The following EPSTI1 variants were observed in gnomAD, a reference collection of about 807,000 sequenced individuals.
EPSTI1 encodes the protein epithelial-stromal interaction protein 1.
In EPSTI1, 66 loss-of-function variants were observed where a neutral mutation model predicts 49.9. That is an observed-to-expected ratio of 1.32 (90% CI 1.08 to 1.62). The LOEUF (loss-of-function observed/expected upper bound fraction) is 1.62. Among genes scored for constraint, EPSTI1 ranks in the 40% most tolerant of loss-of-function variants. The probability of loss-of-function intolerance (pLI) is 0.00; values close to 1 mark genes in which losing one functional copy is unlikely to be tolerated. For missense variants in EPSTI1, 394 were observed against 365.5 expected (o/e 1.08, Z -0.64); for synonymous variants, 137 against 130.7 (o/e 1.05, Z -0.33).
At chr13:42,912,500 T>C (rs566092017) in intron 8 of EPSTI1, among the ~76,000 whole-genome samples, 45 of 152,258 alleles carry the variant, frequency 3.0e-4, no homozygotes, top group African/African-American at 1.0e-3. Context: ...ACATACCTCA[T>C]TCAGCAGCAT....
rs199887673 is a variant in EPSTI1, at chr13:42,919,291, T to A, written c.658-1667A>T. ...AGTTCAGTTACTTGCAATCCTAATG[T>A]TTGCTTACCCAGCTGTGATCCCTAG... is the stretch of plus-strand genomic sequence containing the variant. On this transcript the variant is annotated intron_variant, in intron 7 of 10. Coordinates refer to ENST00000313624, the MANE Select transcript of EPSTI1 (RefSeq NM_033255.5). The A allele has an allele frequency of 3.8e-4, 612 of 1,613,358 alleles. 3 individuals carry two copies. The highest frequency in any genetic ancestry group is 1.4e-4 in the Non-Finnish European group (161 of 1,179,578).
intron 1 of EPSTI1, among the ~76,000 whole-genome samples, chr13:42,990,808 C>T (rs1199292989): frequency 6.6e-6 from 1 of 152,160 alleles, no homozygotes; most frequent in Admixed American, 6.6e-5. Flanking sequence ...CAGGGTTTGT[C>T]TTTCAGAGAC....
chr13:42,949,628 T>C (rs1257469494), intron 6 of EPSTI1, among the ~76,000 whole-genome samples: 1 of 152,018 alleles, frequency 6.6e-6, no homozygotes, highest in African/African-American at 2.4e-5. Flanking sequence ...AGAGAGACTT[T>C]TCTTTTTTGG....
chr13:42,989,032 ATTTTTTTTTT>A (rs74772535), intron 1 of EPSTI1, among the ~76,000 whole-genome samples: 3 of 96,116 alleles, frequency 3.1e-5, no homozygotes, highest in Non-Finnish European at 5.6e-5. Context: ...GATAATTTAA[ATTTTTTTTTT>A]TTTTTTTTTT....
At position 42,917,557 on chromosome 13, in the gene EPSTI1, T is replaced by C. The variant is rs562190581; in HGVS notation, c.725A>G (p.Asp242Gly). 1.3e-6 allele frequency: 2 copies of C among 1,589,708 alleles called. No individual in the cohort carries two copies. Among genetic ancestry groups the C allele is most frequent in the South Asian group, 2.2e-5 (2 of 90,660 alleles). Residue 242 changes from aspartate to glycine, a missense_variant, in exon 8 of 11, where the codon GAT becomes GGT. Transcript: ENST00000313624. ...TGTAAGTACCTTTTGATGTTGTTCA[T>C]CCTTCATCTTTTGCAATTTTCTGTT... ...EENRKLQKMK[D>G]EQHQKSELLE... is the part of the protein sequence containing the mutation.
chr13:42,923,090 G>A (rs1219350498), intron 7 of EPSTI1, among the ~76,000 whole-genome samples: 1 of 152,210 alleles, frequency 6.6e-6, no homozygotes, highest in Non-Finnish European at 1.5e-5. Context: ...CCATTCTAAA[G>A]AAAGAGACAG....
At chr13:42,950,380 G>C (rs17063888) in intron 6 of EPSTI1, among the ~76,000 whole-genome samples, 3,425 of 152,298 alleles carry the variant, frequency 0.022, 97 homozygotes, top group African/African-American at 0.063. Context: ...AGATTAATGC[G>C]TACAATTAGA....
chr13:42,940,057 C>A (rs1201699379), intron 6 of EPSTI1, among the ~76,000 whole-genome samples: 1 of 152,208 alleles, frequency 6.6e-6, no homozygotes, highest in African/African-American at 2.4e-5. Context: ...TAAAAATTTT[C>A]TACAGGTTAT....
chr13:42,905,968 A>G (rs2037486661), intron 8 of EPSTI1, among the ~76,000 whole-genome samples: 1 of 152,246 alleles, frequency 6.6e-6, no homozygotes. Flanking sequence ...TAGGTTGGTG[A>G]TATGATAAAC....
intron 8 of EPSTI1, among the ~76,000 whole-genome samples, chr13:42,905,441 A>T (rs2037472920): frequency 6.6e-6 from 1 of 152,230 alleles, no homozygotes; most frequent in South Asian, 2.1e-4. Flanking sequence ...TGCTGAACTG[A>T]CAGCCACCGA....
Position 42,964,096 on chromosome 13 carries a change from G to A in EPSTI1, c.375C>T (p.Leu125=). The change falls in exon 4 of 11, where the codon CTC becomes CTT. Residue 125 remains leucine, a synonymous_variant. Coordinates refer to ENST00000313624, the MANE Select transcript of EPSTI1 (RefSeq NM_033255.5). ...SETEVRQKQQ[L]QLMQSKYKQK... Reference sequence around the variant, plus strand: ...GCTTGTATTTAGATTGCATCAGCTGGAGTTGTTGTTTCTGTCTGACTTCAG... The same window carrying A: ...GCTTGTATTTAGATTGCATCAGCTGAAGTTGTTGTTTCTGTCTGACTTCAG... 1 of 1,613,542 alleles carries A rather than the reference G, an allele frequency of 6.2e-7. No individual in the cohort carries two copies. The highest frequency in any genetic ancestry group is 8.5e-7 in the Non-Finnish European group (1 of 1,179,742).
At chr13:42,988,471 G>A (rs1400037745) in intron 1 of EPSTI1, among the ~76,000 whole-genome samples, 5 of 152,116 alleles carry the variant, frequency 3.3e-5, no homozygotes, top group South Asian at 2.1e-4. Context: ...GGTGGCTCAC[G>A]CCTGTAATCC....
rs575718711 is a variant in EPSTI1, at chr13:42,888,199, G to A, written c.*295C>T. The A allele has an allele frequency of 5.8e-5, 93 of 1,595,542 alleles. 1 individual carries two copies. The South Asian group carries it at 9.8e-4, about 17-fold the overall frequency. On this transcript the variant is annotated 3_prime_UTR_variant, in exon 11 of 11. Transcript: ENST00000313624. ...GCTCTGATTAACCTGAAAGCATCAA[G>A]TGACTCCCTCTTTTTCTACCCTACC...
At chr13:42,976,028 G>T (rs912892764) in intron 1 of EPSTI1, among the ~76,000 whole-genome samples, 1 of 152,178 alleles carries the variant, frequency 6.6e-6, no homozygotes, top group African/African-American at 2.4e-5. Context: ...TCAGAACATA[G>T]AGATGTCAGG....
At chr13:42,907,292 T>C (rs1040920219) in intron 8 of EPSTI1, among the ~76,000 whole-genome samples, 32 of 152,350 alleles carry the variant, frequency 2.1e-4, no homozygotes, top group African/African-American at 7.0e-4. Context: ...CATTTTCATA[T>C]ATGTGAGCAT....
At chr13:42,991,546 A>C (rs1006043821) in intron 1 of EPSTI1, among the ~76,000 whole-genome samples, 1 of 152,202 alleles carries the variant, frequency 6.6e-6, no homozygotes, top group Non-Finnish European at 1.5e-5. Context: ...TGGCCTCCCA[A>C]AGTGCTGGGA....
intron 8 of EPSTI1, among the ~76,000 whole-genome samples, chr13:42,903,736 C>T (rs144986702): frequency 5.7e-4 from 87 of 152,014 alleles, no homozygotes; most frequent in African/African-American, 1.9e-3. Context: ...CCCTTAATTT[C>T]GATTAAATAA....
chr13:42,969,135 T>G lies in EPSTI1; in HGVS notation c.290A>C (p.Gln97Pro). 6.2e-7 allele frequency: 1 copy of G among 1,614,180 alleles called. No individual in the cohort carries two copies. The highest frequency in any genetic ancestry group is 8.5e-7 in the Non-Finnish European group (1 of 1,180,022). ...ELANLEKWKE[Q>P]NRAKPVHLVP... is the part of the protein sequence containing the mutation. Reference sequence around the variant, plus strand: ...CAGGTGAACCGGTTTAGCTCTGTTCTGCTCCTTCCACTTCTCCAGGTTGGC... The same window carrying G: ...CAGGTGAACCGGTTTAGCTCTGTTCGGCTCCTTCCACTTCTCCAGGTTGGC... The change falls in exon 3 of 11, where the codon CAG (glutamine) becomes CCG (proline). Residue 97 changes from glutamine (Q) to proline (P), a missense_variant. By Grantham distance (76) the Gln-to-Pro change is moderately conservative (BLOSUM62 -1). Coordinates refer to ENST00000313624, the MANE Select transcript of EPSTI1 (RefSeq NM_033255.5).
chr13:42,948,462 G>GTT (rs35811528), intron 6 of EPSTI1, among the ~76,000 whole-genome samples: 119 of 139,652 alleles, frequency 8.5e-4, no homozygotes, highest in African/African-American at 3.0e-3. Context: ...TGTTTTTTGT[G>GTT]TTTTTTTTTT....
Sources: allele counts gnomAD v4.1 joint callset (sites outside exome capture counted in the v4.1 genomes callset), GRCh38; gene constraint gnomAD v4.1.1; transcripts MANE v1.5; gene names NCBI Gene and HGNC (gene_info 2026-07-23, HGNC 2026-07-21).